The following ARL15 variants were observed in gnomAD, a reference collection of about 807,000 sequenced individuals.
ARL15 encodes ARF like GTPase 15, also known as ADP-ribosylation factor-like protein 15.
In ARL15, 19 loss-of-function variants were observed where a neutral mutation model predicts 25.2. That is an observed-to-expected ratio of 0.75 (90% CI 0.53 to 1.10). ARL15 has a LOEUF of 1.10. ARL15 is among the 50% of genes least tolerant of loss of function. The pLI, the probability that ARL15 is intolerant of heterozygous loss-of-function variation, is 0.00. For missense variants in ARL15, 220 were observed against 246.0 expected (o/e 0.89, Z 0.71); for synonymous variants, 94 against 86.8 (o/e 1.08, Z -0.46).
Position 53,956,112 on chromosome 5 carries a change from G to T in ARL15, c.463-69399C>A, listed in dbSNP as rs140922171. ...ATACATTCAAAAAAAGACCCTGAGA[G>T]ATTTTCTTCCCCCCACCCCACTTCC... On this transcript the variant is annotated intron_variant, in intron 4 of 4. Transcript: ENST00000504924. Among the ~76,000 whole-genome samples the T allele has an allele frequency of 2.0e-5, 3 of 152,150 alleles. No individual in the cohort carries two copies. The East Asian group carries it at 5.8e-4, about 30-fold the overall frequency.
At chr5:54,225,432 T>A (rs1412186121) in intron 1 of ARL15, among the ~76,000 whole-genome samples, 1 of 151,800 alleles carries the variant, frequency 6.6e-6, no homozygotes, top group African/African-American at 2.4e-5. Context: ...AGGAAAGAGG[T>A]CCTTGCCGAC....
In ARL15 at chr5:53,953,030, G is replaced by A. The variant is rs149138430; in HGVS notation, c.463-66317C>T. ...CTTCTGCAAATGTTCACTTTACTAC[G>A]CAGCTCCACTGTCATAAAACAGTCA... On this transcript the variant is annotated intron_variant, in intron 4 of 4. Coordinates refer to ENST00000504924, the MANE Select transcript of ARL15 (RefSeq NM_019087.3). 5.3e-5 allele frequency among the ~76,000 whole-genome samples: 8 copies of A among 152,264 alleles called. No individual in the cohort carries two copies. The East Asian group carries it at 5.8e-4, about 11-fold the overall frequency.
chr5:54,093,543 G>A (rs1357854923), intron 4 of ARL15, among the ~76,000 whole-genome samples: 1 of 152,116 alleles, frequency 6.6e-6, no homozygotes, highest in Non-Finnish European at 1.5e-5. Context: ...TTCTCATAAT[G>A]CAAAGACAGA....
intron 3 of ARL15, among the ~76,000 whole-genome samples, chr5:54,130,460 A>G (rs914395232): frequency 2.0e-5 from 3 of 152,182 alleles, no homozygotes; most frequent in South Asian, 4.1e-4. Context: ...GAAAATCATT[A>G]ATTTTGTTTA....
intron 1 of ARL15, chr5:54,307,868 T>C (rs1449764108): frequency 6.6e-6 from 1 of 152,164 alleles, no homozygotes; most frequent in Admixed American, 6.5e-5. Flanking sequence ...TTCTTGTCAG[T>C]GCATGGAAAG....
At chr5:54,046,958 G>A (rs1561201468) in intron 4 of ARL15, among the ~76,000 whole-genome samples, 1 of 152,146 alleles carries the variant, frequency 6.6e-6, no homozygotes, top group South Asian at 2.1e-4. Flanking sequence ...TGCTCAACAT[G>A]CTCGGTCTTT....
rs574299566 is a variant in ARL15 at position 53,907,535 on chromosome 5, T to A, written c.463-20822A>T. Among the ~76,000 whole-genome samples the A allele has an allele frequency of 1.1e-3, 143 of 128,006 alleles. 1 individual carries two copies. The highest frequency in any genetic ancestry group is 4.1e-3 in the African/African-American group (141 of 34,054). 84.0% of individuals were successfully genotyped at this position (128,006 alleles called of 152,430 possible). ...TTTTTTGAGGCGGACTCTTACTCTG[T>A]CATCCAGGCTGGAGTGCAGTGGCGC... is the stretch of plus-strand genomic sequence containing the variant. On this transcript the variant is annotated intron_variant, in intron 4 of 4. Coordinates refer to ENST00000504924, the MANE Select transcript of ARL15 (RefSeq NM_019087.3).
chr5:54,199,294 A>T (rs1755645663), intron 1 of ARL15, among the ~76,000 whole-genome samples: 1 of 152,118 alleles, frequency 6.6e-6, no homozygotes, highest in Non-Finnish European at 1.5e-5. Context: ...AGAATTGACA[A>T]ATGGGATATA....
intron 4 of ARL15, among the ~76,000 whole-genome samples, chr5:54,015,300 A>C (rs539303953): frequency 1.3e-3 from 193 of 151,714 alleles, no homozygotes; most frequent in African/African-American, 3.6e-3. Context: ...CTCAAAAAAA[A>C]AAAAACAAAA....
chr5:54,217,393 A>G (rs1387206146), intron 1 of ARL15, among the ~76,000 whole-genome samples: 1 of 152,116 alleles, frequency 6.6e-6, no homozygotes, highest in Admixed American at 6.5e-5. Flanking sequence ...GTTAATTATT[A>G]TAATCTGAAT....
chr5:54,157,871 A>G (rs1754288941), intron 2 of ARL15, among the ~76,000 whole-genome samples: 1 of 152,196 alleles, frequency 6.6e-6, no homozygotes, highest in Admixed American at 6.5e-5. Flanking sequence ...TTCAGTAATT[A>G]ATGTTCAAAA....
At chr5:53,944,332 C>T (rs541353770) in intron 4 of ARL15, among the ~76,000 whole-genome samples, 3 of 152,078 alleles carry the variant, frequency 2.0e-5, no homozygotes, top group African/African-American at 4.8e-5. Flanking sequence ...ATGACCTGGC[C>T]GGGCACAGTT....
chr5:54,299,410 G>C lies in ARL15; in HGVS notation c.48+11022C>G, dbSNP rs73757045. ...TTAGCCAGACCTAGGTTCAAATTCT[G>C]GCTCCACCATGTCTTAGGCACAACA... is the stretch of plus-strand genomic sequence containing the variant. On this transcript the variant is annotated intron_variant, in intron 1 of 4. Transcript: ENST00000504924. Among the ~76,000 whole-genome samples the C allele has an allele frequency of 4.6e-3, 693 of 152,122 alleles. 5 individuals carry two copies. The highest frequency in any genetic ancestry group is 0.016 in the African/African-American group (668 of 41,498).
At chr5:54,143,043 CAT>C (rs983808038) in intron 3 of ARL15, among the ~76,000 whole-genome samples, 1 of 152,100 alleles carries the variant, frequency 6.6e-6, no homozygotes, top group African/African-American at 2.4e-5. Context: ...AATATGGTCA[CAT>C]GTGTAAACAT....
At chr5:54,027,625 G>A (rs1749820103) in intron 4 of ARL15, among the ~76,000 whole-genome samples, 1 of 152,054 alleles carries the variant, frequency 6.6e-6, no homozygotes, top group Non-Finnish European at 1.5e-5. Context: ...AACATTTTTG[G>A]TTTTGTTTCA....
At chr5:54,235,946 C>G (rs756797718) in intron 1 of ARL15, among the ~76,000 whole-genome samples, 67 of 152,188 alleles carry the variant, frequency 4.4e-4, no homozygotes, top group Non-Finnish European at 8.4e-4. Context: ...ATTCAAAGAA[C>G]TGTATGAAAT....
chr5:54,256,439 C>CA (rs1427077215), intron 1 of ARL15, among the ~76,000 whole-genome samples: 303 of 91,002 alleles, frequency 3.3e-3, no homozygotes, highest in Middle Eastern at 0.016. Context: ...AAAAAGCCAA[C>CA]AAAAAAAAAT....
chr5:54,245,006 C>G (rs534837357), intron 1 of ARL15, among the ~76,000 whole-genome samples: 16 of 152,010 alleles, frequency 1.1e-4, no homozygotes, highest in African/African-American at 3.9e-4. Context: ...CTTTATGTAA[C>G]CAGAATCAAT....
At chr5:54,113,098 G>C in intron 4 of ARL15, 104 bp downstream of exon 4, 1 of 1,124,602 alleles carries the variant, frequency 8.9e-7, no homozygotes. Flanking sequence ...GTTGAAAGCA[G>C]CATAACCAGC....
Sources: gnomAD v4.1 joint callset for allele counts (sites outside exome capture counted in the v4.1 genomes callset) on GRCh38, gnomAD v4.1.1 for gene constraint, MANE v1.5 for transcripts, NCBI Gene and HGNC (gene_info 2026-07-23, HGNC 2026-07-21) for gene names.